DENND4C: variants seen among roughly 807,000 people sequenced by gnomAD.
DENND4C encodes the protein DENN domain containing 4C, also known as DENN domain-containing protein 4C.
DENND4C carries 108 observed loss-of-function variants against 203.0 expected under a neutral mutation model. The ratio of observed to expected loss-of-function variants is 0.53; its 90% CI spans 0.46 to 0.62. DENND4C has a LOEUF of 0.62. DENND4C is among the 20% of genes least tolerant of loss of function. DENND4C has a pLI of 0.00. For missense variants in DENND4C, 2,481 were observed against 2,301.2 expected (o/e 1.08, Z -1.60); for synonymous variants, 871 against 792.4 (o/e 1.10, Z -1.67).
At chr9:19,269,879 G>C (rs1831277068) in intron 1 of DENND4C, among the ~76,000 whole-genome samples, 1 of 152,158 alleles carries the variant, frequency 6.6e-6, no homozygotes, top group African/African-American at 2.4e-5. Context: ...GTCTGGGCTT[G>C]TTTGTACCCA....
In DENND4C at chr9:19,300,172, C is replaced by G. The variant is rs775635824; in HGVS notation, c.1167-15C>G. 1.3e-6 allele frequency: 2 copies of G among 1,580,366 alleles called. No individual in the cohort carries two copies. Among genetic ancestry groups the G allele is most frequent in the Non-Finnish European group, 1.7e-6 (2 of 1,156,906 alleles). ...ATAGTTCACAATGATCTACTTTTCTCTTTTTTTTCCCTAGTGGAGCCAACT... is the reference window on the plus strand; with the variant it reads ...ATAGTTCACAATGATCTACTTTTCTGTTTTTTTTCCCTAGTGGAGCCAACT... On this transcript the variant is annotated splice_polypyrimidine_tract_variant and intron_variant, in intron 8 of 32. Coordinates refer to ENST00000434457, the MANE Select transcript of DENND4C (RefSeq NM_001330640.2).
At chr9:19,266,585 G>A (rs1830548217) in intron 1 of DENND4C, among the ~76,000 whole-genome samples, 1 of 152,102 alleles carries the variant, frequency 6.6e-6, no homozygotes, top group Non-Finnish European at 1.5e-5. Flanking sequence ...TATACTACAA[G>A]GCTACAGTAA....
intron 7 of DENND4C, among the ~76,000 whole-genome samples, chr9:19,299,019 GA>G (rs1369306895): frequency 6.6e-6 from 1 of 151,978 alleles, no homozygotes; most frequent in Non-Finnish European, 1.5e-5. Flanking sequence ...ACCATTTAAT[GA>G]AAAAGAACTA....
At chr9:19,362,032 G>T (rs1826598054) in intron 30 of DENND4C, 69 bp downstream of exon 30, 3 of 955,096 alleles carry the variant, frequency 3.1e-6, no homozygotes, top group African/African-American at 3.3e-5. Context: ...CCAGCACTTT[G>T]GGAGGCCTAG....
rs755954360 is a variant in DENND4C at position 19,326,158 on chromosome 9, C to T, written c.2084C>T (p.Pro695Leu). 1.4e-5 allele frequency: 22 copies of T among 1,613,310 alleles called. No homozygotes were observed. Among genetic ancestry groups the T allele is most frequent in the Non-Finnish European group, 1.6e-5 (19 of 1,179,690 alleles). The change falls in exon 15 of 33, where the codon CCT becomes CTT. Residue 695 changes from proline to leucine, a missense_variant. Pro to Leu is a moderately conservative substitution (Grantham distance 98). Around this residue, in one of 3 missense-constraint regions of DENND4C, gnomAD observed 2,289 missense variants for 2,113.3 expected, o/e 1.08. Coordinates refer to ENST00000434457, the MANE Select transcript of DENND4C (RefSeq NM_001330640.2). ...GTATTTATAATGCCGCCAGAGCCAC[C>T]TCCTGATGATGGAAAGGACCTGTCA... The part of the protein sequence containing the change: ...HTVFIMPPEP[P>L]PDDGKDLSPK...
chr9:19,295,512 A>G (rs1243300315), intron 5 of DENND4C, among the ~76,000 whole-genome samples: 3 of 151,840 alleles, frequency 2.0e-5, no homozygotes, highest in Admixed American at 6.6e-5. Context: ...CTCAAAAAAA[A>G]AGGAAAAAAA....
intron 2 of DENND4C, among the ~76,000 whole-genome samples, chr9:19,279,287 C>T (rs1323600818): frequency 7.3e-5 from 6 of 82,038 alleles, no homozygotes; most frequent in African/African-American, 2.4e-4. Context: ...CAAGATCACA[C>T]CACTGCACTC....
At chr9:19,251,119 A>G (rs1826472424) in intron 1 of DENND4C, among the ~76,000 whole-genome samples, 1 of 152,224 alleles carries the variant, frequency 6.6e-6, no homozygotes, top group Non-Finnish European at 1.5e-5. Flanking sequence ...CCCTGCAGCA[A>G]ATTTCTTCCT....
chr9:19,290,959 T>G, intron 5 of DENND4C, 83 bp downstream of exon 5: 1 of 1,335,034 alleles, frequency 7.5e-7, no homozygotes, highest in Non-Finnish European at 1.0e-6. Flanking sequence ...TATTTGAATG[T>G]TAGGATTATT....
At chr9:19,263,105 T>C (rs941187938) in intron 1 of DENND4C, among the ~76,000 whole-genome samples, 2 of 152,212 alleles carry the variant, frequency 1.3e-5, no homozygotes, top group African/African-American at 4.8e-5. Flanking sequence ...TGTTAAGGTA[T>C]GTTCCTTCTA....
chr9:19,345,716 GT>G (rs1822735092), intron 22 of DENND4C, among the ~76,000 whole-genome samples: 1 of 152,098 alleles, frequency 6.6e-6, no homozygotes, highest in Admixed American at 6.5e-5. Flanking sequence ...TGAAAGACAG[GT>G]TATACATTAA....
At chr9:19,235,452 G>A (rs1483491087) in intron 1 of DENND4C, among the ~76,000 whole-genome samples, 1 of 152,062 alleles carries the variant, frequency 6.6e-6, no homozygotes, top group Admixed American at 6.6e-5. Context: ...ACTAGTTTGT[G>A]TACATTAACT....
chr9:19,345,567 G>A (rs1435211453), intron 22 of DENND4C, among the ~76,000 whole-genome samples: 1 of 152,206 alleles, frequency 6.6e-6, no homozygotes, highest in Non-Finnish European at 1.5e-5. Context: ...TTACTGGCAA[G>A]TATTTGTTGA....
chr9:19,319,093 C>T (rs545316746), intron 12 of DENND4C, among the ~76,000 whole-genome samples: 46 of 151,218 alleles, frequency 3.0e-4, no homozygotes, highest in African/African-American at 9.5e-4. Context: ...CGCTTCATCC[C>T]GCGAGGCAGA....
chr9:19,256,297 G>GTTTTTTTTTTTT (rs796711741), intron 1 of DENND4C, among the ~76,000 whole-genome samples: 3 of 122,610 alleles, frequency 2.4e-5, no homozygotes, highest in East Asian at 2.4e-4. Flanking sequence ...TTTCTTTTCT[G>GTTTTTTTTTTTT]TTTTTTTTTT....
chr9:19,359,395 T>C (rs1826009903), intron 28 of DENND4C, among the ~76,000 whole-genome samples: 2 of 151,844 alleles, frequency 1.3e-5, no homozygotes, highest in Non-Finnish European at 2.9e-5. Context: ...TATCTTTATA[T>C]CTATTGCTGT....
At chr9:19,345,218 C>A (rs920638903) in intron 22 of DENND4C, among the ~76,000 whole-genome samples, 1 of 152,166 alleles carries the variant, frequency 6.6e-6, no homozygotes, top group African/African-American at 2.4e-5. Flanking sequence ...AGACTGCTTT[C>A]TTTTTCCAAA....
At chr9:19,274,541 C>G (rs1416006416) in intron 1 of DENND4C, among the ~76,000 whole-genome samples, 1 of 152,202 alleles carries the variant, frequency 6.6e-6, no homozygotes, top group Admixed American at 6.5e-5. Flanking sequence ...GTGTTGCACC[C>G]TCCTCGGCCT....
At position 19,350,810 on chromosome 9, in the gene DENND4C, AC is replaced by A; in HGVS notation, c.4429del (p.Gln1477ArgfsTer15). On this transcript the variant is annotated frameshift_variant, in exon 24 of 33. Coordinates refer to ENST00000434457, the MANE Select transcript of DENND4C (RefSeq NM_001330640.2). LOFTEE classifies it high-confidence loss of function. ...CTCAGGGTTGGTCCCCAGTGAACTT[AC>A]CCAGAGCAACACAAGTCTTGGCAGT... ...SISGLVPSELTQSNTSLGSSS... is the reference protein window; with the variant it reads ...SISGLVPSELXQSNTSLGSSS... 1 of 1,614,142 alleles carries A rather than the reference AC, an allele frequency of 6.2e-7. No individual in the cohort carries two copies. Among genetic ancestry groups the A allele is most frequent in the Admixed American group, 1.7e-5 (1 of 60,018 alleles).
Sources: allele counts gnomAD v4.1 joint callset (sites outside exome capture counted in the v4.1 genomes callset), GRCh38; gene constraint gnomAD v4.1.1; regional missense constraint gnomAD v4.1.1; transcripts MANE v1.5; gene names NCBI Gene and HGNC (gene_info 2026-07-23, HGNC 2026-07-21).